Variants in MEIOB observed in about 807,000 individuals in gnomAD.
MEIOB encodes the protein meiosis specific with OB-fold.
MEIOB carries 50 observed loss-of-function variants against 53.1 expected under a neutral mutation model. The ratio of observed to expected loss-of-function variants is 0.94; its 90% CI spans 0.75 to 1.19. The LOEUF (loss-of-function observed/expected upper bound fraction) is 1.19, where lower values mean the gene tolerates loss of function less well. Ranked by LOEUF, MEIOB falls within the 50% of genes most tolerant of loss-of-function variation. The pLI is 0.00. For missense variants in MEIOB, 551 were observed against 550.8 expected, an observed-to-expected ratio of 1.00 and a Z score of 0.00; for synonymous variants, 192 against 182.5, an observed-to-expected ratio of 1.05 and a Z score of -0.42.
At chr16:1,856,757 G>A (rs933450926) in intron 6 of MEIOB, among the ~76,000 whole-genome samples, 21 of 113,608 alleles carry the variant, frequency 1.8e-4, no homozygotes, top group African/African-American at 6.9e-4. Flanking sequence ...ACCACGCCAG[G>A]CCTTTTTTTT....
chr16:1,868,044 T>C, intron 2 of MEIOB, 63 bp downstream of exon 2: 2 of 858,774 alleles, frequency 2.3e-6, no homozygotes, highest in Admixed American at 4.5e-5. Context: ...ATCAATAACA[T>C]TGATGTAATG....
At chr16:1,867,031 A>G (rs1404429663) in intron 2 of MEIOB, among the ~76,000 whole-genome samples, 1 of 152,208 alleles carries the variant, frequency 6.6e-6, no homozygotes, top group Non-Finnish European at 1.5e-5. Flanking sequence ...GACCATTATT[A>G]GCAAATAGTT....
Position 1,841,895 on chromosome 16 carries a change from G to A in MEIOB, c.959C>T (p.Ser320Phe). The change falls in exon 11 of 14, where the codon TCC becomes TTC. Residue 320 changes from serine to phenylalanine, a missense_variant. Coordinates refer to ENST00000325962, the MANE Select transcript of MEIOB (RefSeq NM_001163560.3). ...AATGTAGGCATAAAGGATGCCATAG[G>A]AAGGATCAGCTTTTCCTTCATTCTT... ...ALKNEGKADP[S>F]YGILYAYIST... The A allele has an allele frequency of 1.2e-6, 2 of 1,608,890 alleles. No homozygotes were observed. The highest frequency in any genetic ancestry group is 1.7e-6 in the Non-Finnish European group (2 of 1,177,404).
At chr16:1,840,786 G>A (rs1180137580) in intron 11 of MEIOB, among the ~76,000 whole-genome samples, 4 of 151,890 alleles carry the variant, frequency 2.6e-5, no homozygotes, top group Non-Finnish European at 4.4e-5. Flanking sequence ...TCCTGACCTC[G>A]TGATCCACCT....
At chr16:1,869,488 C>T (rs548226382) in intron 1 of MEIOB, among the ~76,000 whole-genome samples, 1 of 151,960 alleles carries the variant, frequency 6.6e-6, no homozygotes, top group African/African-American at 2.4e-5. Context: ...CACTCTGTTG[C>T]CTAGGCTGGA....
chr16:1,846,455 T>G (rs1356571265), intron 9 of MEIOB, among the ~76,000 whole-genome samples: 2 of 152,194 alleles, frequency 1.3e-5, no homozygotes, highest in Non-Finnish European at 2.9e-5. Context: ...ACAAGCCATT[T>G]AGAGCTTCTT....
In MEIOB at chr16:1,851,856, C is replaced by T. The variant is rs141717784; in HGVS notation, c.778+1183G>A. Among the ~76,000 whole-genome samples, 125 of 152,284 alleles carry T rather than the reference C, an allele frequency of 8.2e-4. 1 individual carries two copies. Among genetic ancestry groups the T allele is most frequent in the Middle Eastern group, 3.4e-3 (1 of 294 alleles). The stretch of plus-strand genomic sequence containing the variant: ...ACACTACATACTGTACTCATAGCTT[C>T]ATGAGATGGCAAAGGATTGATTACT... On this transcript the variant is annotated intron_variant, in intron 9 of 13. Coordinates refer to ENST00000325962, the MANE Select transcript of MEIOB (RefSeq NM_001163560.3).
intron 5 of MEIOB, among the ~76,000 whole-genome samples, chr16:1,859,375 C>G (rs1348808168): frequency 6.6e-6 from 1 of 152,036 alleles, no homozygotes; most frequent in African/African-American, 2.4e-5. Flanking sequence ...AACCCCGCCT[C>G]TACTAAAAAT....
At chr16:1,871,881 A>G in intron 1 of MEIOB, 112 bp downstream of exon 1, 1 of 6,072 alleles carries the variant, frequency 1.6e-4, no homozygotes, top group Non-Finnish European at 4.8e-4. Context: ...GAATCCTTGA[A>G]CCAGGGAGGA....
In MEIOB at chr16:1,839,293, G is replaced by A. The variant is rs751190600; in HGVS notation, c.1180C>T (p.Leu394Phe). Residue 394 changes from leucine to phenylalanine, a missense_variant, in exon 12 of 14, where the codon CTC becomes TTC. Transcript: ENST00000325962. ...DHTGTLHSCS[L>F]TGSVAEETLG... ...GTCTCCTCAGCAACACTTCCTGTGA[G>A]ACTACAGGAATGAAGGGTGCCTGTG... The A allele has an allele frequency of 3.7e-6, 6 of 1,613,750 alleles. No individual in the cohort carries two copies. The Admixed American group carries it at 8.3e-5, about 22-fold the overall frequency.
intron 10 of MEIOB, chr16:1,843,652 C>G (rs528391705): frequency 6.7e-6 from 1 of 150,334 alleles, no homozygotes; most frequent in African/African-American, 2.5e-5. Context: ...CAACCGAGAT[C>G]GCGGCTTTGC....
chr16:1,861,205 T>C (rs971216131), intron 4 of MEIOB, among the ~76,000 whole-genome samples: 6 of 152,214 alleles, frequency 3.9e-5, no homozygotes, highest in African/African-American at 1.4e-4. Context: ...TTCTTCCTAC[T>C]ATATGAGGCT....
chr16:1,845,724 A>T (rs1391465788), intron 9 of MEIOB, among the ~76,000 whole-genome samples: 1 of 152,218 alleles, frequency 6.6e-6, no homozygotes, highest in African/African-American at 2.4e-5. Context: ...AATAGGCTCT[A>T]TAAAAAGCCT....
chr16:1,852,282 G>C (rs1390279191), intron 9 of MEIOB, among the ~76,000 whole-genome samples: 2 of 56,476 alleles, frequency 3.5e-5, no homozygotes, highest in African/African-American at 1.3e-4. Context: ...TTTTTTTTTT[G>C]AGACGGAGTC....
At chr16:1,842,325 A>AGT in intron 10 of MEIOB, among the ~76,000 whole-genome samples, 1 of 152,140 alleles carries the variant, frequency 6.6e-6, no homozygotes, top group East Asian at 1.9e-4. Flanking sequence ...AGAAAAAGAC[A>AGT]GTGACTCAGC....
rs531726158 is a variant in MEIOB at position 1,840,841 on chromosome 16, C to T, written c.1034+979G>A. On this transcript the variant is annotated intron_variant, in intron 11 of 13. Coordinates refer to ENST00000325962, the MANE Select transcript of MEIOB (RefSeq NM_001163560.3). ...CTGGGATTACAGGCGTGAGCCACCA[C>T]GCCCAGCCCTCTTATTATTTCTTAT... 5.3e-5 allele frequency among the ~76,000 whole-genome samples: 8 copies of T among 151,762 alleles called. No individual in the cohort carries two copies. In the East Asian group the frequency reaches 9.8e-4, roughly 19 times the overall value.
intron 6 of MEIOB, among the ~76,000 whole-genome samples, chr16:1,856,566 G>A (rs1052408946): frequency 3.9e-4 from 60 of 152,098 alleles, no homozygotes; most frequent in Non-Finnish European, 4.9e-4. Flanking sequence ...TGATCCTCCC[G>A]CCTCAGCCAC....
intron 11 of MEIOB, chr16:1,839,992 G>A (rs1898858360): frequency 6.6e-6 from 1 of 152,174 alleles, no homozygotes; most frequent in Non-Finnish European, 1.5e-5. Flanking sequence ...TAACACTGCT[G>A]GTGATACACT....
intron 6 of MEIOB, 31 bp downstream of exon 6, chr16:1,857,704 T>G: frequency 1.3e-6 from 2 of 1,536,310 alleles, no homozygotes; most frequent in Non-Finnish European, 1.8e-6. Context: ...CCTGCCAGAT[T>G]GCACTTGGCT....
Sources: allele counts gnomAD v4.1 joint callset (sites outside exome capture counted in the v4.1 genomes callset), GRCh38; gene constraint gnomAD v4.1.1; transcripts MANE v1.5; gene names NCBI Gene and HGNC (gene_info 2026-07-23, HGNC 2026-07-21).